Variants in TUT4 observed in about 807,000 individuals in gnomAD.
TUT4 encodes terminal uridylyl transferase 4, also known as terminal uridylyltransferase 4.
A neutral mutation model predicts 192.2 loss-of-function variants in TUT4; 36 were observed. The observed-to-expected ratio is 0.19, with a 90% confidence interval of 0.14 to 0.25. The LOEUF (loss-of-function observed/expected upper bound fraction) is 0.25, where lower values mean the gene tolerates loss of function less well. Among genes scored for constraint, TUT4 ranks in the 10% least tolerant of loss-of-function variants. The pLI, the probability that TUT4 is intolerant of heterozygous loss-of-function variation, is 1.00. For missense variants in TUT4, 1,493 were observed against 1,957.2 expected, an observed-to-expected ratio of 0.76 and a Z score of 4.47; for synonymous variants, 618 against 666.0, an observed-to-expected ratio of 0.93 and a Z score of 1.11.
chr1:52,451,584 G>A (rs1012149932), intron 20 of TUT4, among the ~76,000 whole-genome samples: 9 of 152,190 alleles, frequency 5.9e-5, no homozygotes, highest in Non-Finnish European at 1.2e-4. Context: ...GCTCACGCCT[G>A]TAATCCCAGC....
chr1:52,436,804 C>A lies in TUT4; in HGVS notation c.4113G>T (p.Arg1371Ser). The A allele has an allele frequency of 6.2e-7, 1 of 1,613,774 alleles. No individual in the cohort carries two copies. The highest frequency in any genetic ancestry group is 1.1e-5 in the South Asian group (1 of 91,058). The change falls in exon 26 of 30, where the codon AGG becomes AGT. Residue 1371 changes from arginine to serine, a missense_variant. By Grantham distance (110) the Arg-to-Ser change is moderately radical. Coordinates refer to ENST00000257177, the MANE Select transcript of TUT4 (RefSeq NM_001009881.3). ...GGGCCAGCTTGACCTCTGGGCACTC[C>A]CTTCGTACATGTCCAGCATCTCCAC... ...FICGDAGHVR[R>S]ECPEVKLARQ...
intron 28 of TUT4, among the ~76,000 whole-genome samples, chr1:52,428,486 C>T (rs58770079): frequency 0.06 from 9,126 of 152,050 alleles, 295 homozygotes; most frequent in South Asian, 0.086. Context: ...TTTAGCTAGG[C>T]GTGGTGGCAG....
chr1:52,432,585 G>T (rs559248331), intron 27 of TUT4: 3 of 152,280 alleles, frequency 2.0e-5, no homozygotes, highest in African/African-American at 4.8e-5. Flanking sequence ...ACTTTAGAAA[G>T]ATTATCCTGG....
At chr1:52,500,162 T>C (rs1673703080) in intron 4 of TUT4, among the ~76,000 whole-genome samples, 1 of 149,456 alleles carries the variant, frequency 6.7e-6, no homozygotes, top group Non-Finnish European at 1.5e-5. Flanking sequence ...AACCCTGGCA[T>C]GTATGGTCTA....
chr1:52,548,392 TAAC>T (rs1688609899), intron 1 of TUT4, among the ~76,000 whole-genome samples: 1 of 152,208 alleles, frequency 6.6e-6, no homozygotes, highest in Admixed American at 6.5e-5. Flanking sequence ...AAAATATTTT[TAAC>T]AACCTATGTG....
At chr1:52,476,311 AC>A (rs1374455046) in intron 12 of TUT4, among the ~76,000 whole-genome samples, 5 of 152,180 alleles carry the variant, frequency 3.3e-5, no homozygotes, top group Admixed American at 6.5e-5. Flanking sequence ...AAAGCAAGAA[AC>A]CTAAAAAAGT....
At chr1:52,525,508 C>G (rs564935606) in intron 2 of TUT4, 55 bp downstream of exon 2, 6 of 1,532,664 alleles carry the variant, frequency 3.9e-6, no homozygotes, top group Non-Finnish European at 5.2e-6. Context: ...ATGGTTAAAC[C>G]GGGGATAATC....
At chr1:52,466,645 CAAAAA>C (rs71579929) in intron 15 of TUT4, among the ~76,000 whole-genome samples, 24 of 118,350 alleles carry the variant, frequency 2.0e-4, no homozygotes, top group African/African-American at 7.0e-4. Flanking sequence ...TATCCTATTT[CAAAAA>C]AAAAAAAAAA....
intron 24 of TUT4, among the ~76,000 whole-genome samples, chr1:52,439,607 T>C (rs2148326040): frequency 6.6e-6 from 1 of 152,288 alleles, no homozygotes; most frequent in South Asian, 2.1e-4. Context: ...ATAAGATGCC[T>C]ATAGCTTTAA....
intron 1 of TUT4, among the ~76,000 whole-genome samples, chr1:52,543,847 A>G (rs1201679292): frequency 2.0e-5 from 3 of 152,142 alleles, no homozygotes; most frequent in African/African-American, 7.2e-5. Context: ...ATCCCTATCA[A>G]AATTCCAATG....
intron 1 of TUT4, among the ~76,000 whole-genome samples, chr1:52,542,864 C>T (rs1180413031): frequency 3.3e-5 from 5 of 151,964 alleles, no homozygotes; most frequent in Admixed American, 6.6e-5. Flanking sequence ...CAGGTTCAAG[C>T]GATTCTCCTG....
In TUT4 at chr1:52,424,016, CA is replaced by C. The variant is rs761897545; in HGVS notation, c.4871-15del. 6.2e-7 allele frequency: 1 copy of C among 1,604,084 alleles called. No homozygotes were observed. The highest frequency in any genetic ancestry group is 1.1e-5 in the South Asian group (1 of 89,526). ...TGGCACATCTGTCTGTTGGATACAA[CA>C]CAGACAGGAAACTGAAAGGCTTGTG... On this transcript the variant is annotated splice_polypyrimidine_tract_variant and intron_variant, in intron 29 of 29. Coordinates refer to ENST00000257177, the MANE Select transcript of TUT4 (RefSeq NM_001009881.3).
At chr1:52,487,434 C>T (rs1285153547) in intron 9 of TUT4, among the ~76,000 whole-genome samples, 2 of 151,698 alleles carry the variant, frequency 1.3e-5, no homozygotes, top group South Asian at 2.1e-4. Context: ...GTGACAGAGA[C>T]CTCATCTCAA....
Position 52,435,446 on chromosome 1 carries a change from G to A in TUT4, c.4182C>T (p.Asn1394=), listed in dbSNP as rs755627960. 2 of 1,614,140 alleles carry A rather than the reference G, an allele frequency of 1.2e-6. No homozygotes were observed. Among genetic ancestry groups the A allele is most frequent in the Non-Finnish European group, 1.7e-6 (2 of 1,179,996 alleles). Residue 1394 remains asparagine, a synonymous_variant, in exon 27 of 30, where the codon AAC becomes AAT. Transcript: ENST00000257177. ...SSVAAAQLVR[N]LVNAQQVAGS... ...CAGCCACCTGTTGAGCATTTACAAGGTTGCGGACCAGCTGGGCTGCTAAGA... is the reference window on the plus strand; with the variant it reads ...CAGCCACCTGTTGAGCATTTACAAGATTGCGGACCAGCTGGGCTGCTAAGA...
At chr1:52,490,183 CTCTG>C (rs1670793216) in intron 8 of TUT4, among the ~76,000 whole-genome samples, 1 of 134,362 alleles carries the variant, frequency 7.4e-6, no homozygotes, top group South Asian at 2.6e-4. Flanking sequence ...CAGGGTCTCA[CTCTG>C]TCACCCAGGC....
chr1:52,528,361 T>C (rs1270153128), intron 1 of TUT4, among the ~76,000 whole-genome samples: 10 of 151,766 alleles, frequency 6.6e-5, no homozygotes, highest in African/African-American at 1.5e-4. Context: ...CACTGTGGCA[T>C]GCGCCTGTAG....
chr1:52,427,895 T>C (rs1157250887), intron 28 of TUT4, among the ~76,000 whole-genome samples: 2 of 152,144 alleles, frequency 1.3e-5, no homozygotes, highest in Non-Finnish European at 2.9e-5. Flanking sequence ...AAACTGGAAA[T>C]ACACGGACCC....
At chr1:52,436,500 TA>T (rs1018647604) in intron 26 of TUT4, among the ~76,000 whole-genome samples, 86 of 151,876 alleles carry the variant, frequency 5.7e-4, no homozygotes, top group African/African-American at 2.0e-3. Flanking sequence ...AAAATAAAAA[TA>T]AAAATAAAAA....
At chr1:52,546,783 T>A (rs561394746) in intron 1 of TUT4, among the ~76,000 whole-genome samples, 1 of 152,290 alleles carries the variant, frequency 6.6e-6, no homozygotes, top group Admixed American at 6.5e-5. Context: ...GAATCTTTTT[T>A]AAGGTGAATA....
Sources: gnomAD v4.1 joint callset for allele counts (sites outside exome capture counted in the v4.1 genomes callset) on GRCh38, gnomAD v4.1.1 for gene constraint, MANE v1.5 for transcripts, NCBI Gene and HGNC (gene_info 2026-07-23, HGNC 2026-07-21) for gene names.